RNF150: variants seen among roughly 807,000 people sequenced by gnomAD.
RNF150 encodes the protein ring finger protein 150.
In RNF150, 24 loss-of-function variants were observed where a neutral mutation model predicts 39.3. The ratio of observed to expected loss-of-function variants is 0.61; its 90% CI spans 0.44 to 0.86. RNF150 has a LOEUF of 0.86. RNF150 is among the 40% of genes least tolerant of loss of function. RNF150 has a pLI of 0.00. For missense variants in RNF150, 502 were observed against 587.8 expected (o/e 0.85, Z 1.51); for synonymous variants, 255 against 227.3 (o/e 1.12, Z -1.10).
intron 2 of RNF150, among the ~76,000 whole-genome samples, chr4:140,964,946 T>C (rs190542705): frequency 6.6e-5 from 10 of 151,752 alleles, no homozygotes; most frequent in Non-Finnish European, 1.2e-4. Context: ...GGATACTGCA[T>C]ATGAGGGGGG....
intron 1 of RNF150, among the ~76,000 whole-genome samples, chr4:140,984,359 T>C (rs913962840): frequency 6.6e-6 from 1 of 152,060 alleles, no homozygotes; most frequent in African/African-American, 2.4e-5. Context: ...TATGAAAAGG[T>C]TTTTAGACTA....
intron 2 of RNF150, among the ~76,000 whole-genome samples, chr4:140,963,003 A>T (rs1464931225): frequency 1.3e-5 from 2 of 151,994 alleles, no homozygotes; most frequent in African/African-American, 4.8e-5. Context: ...CATATAATGA[A>T]AATTTACTCA....
intron 4 of RNF150, among the ~76,000 whole-genome samples, chr4:140,942,314 G>T (rs961327327): frequency 6.6e-6 from 1 of 152,212 alleles, no homozygotes; most frequent in African/African-American, 2.4e-5. Context: ...GGCCTGCAGA[G>T]CCAGTGATGG....
intron 1 of RNF150, among the ~76,000 whole-genome samples, chr4:141,149,196 A>G (rs1362114645): frequency 2.0e-5 from 3 of 152,226 alleles, no homozygotes; most frequent in Non-Finnish European, 2.9e-5. Flanking sequence ...GTAACCTACA[A>G]CCATGCAATA....
intron 1 of RNF150, among the ~76,000 whole-genome samples, chr4:141,073,359 G>A (rs1201743725): frequency 6.6e-6 from 1 of 152,108 alleles, no homozygotes; most frequent in Non-Finnish European, 1.5e-5. Flanking sequence ...CCAAAACAAA[G>A]GTTTCAGCAC....
chr4:141,198,905 C>T (rs1319889873), intron 1 of RNF150, among the ~76,000 whole-genome samples: 2 of 152,150 alleles, frequency 1.3e-5, no homozygotes, highest in Non-Finnish European at 2.9e-5. Context: ...AAAGTTAAAA[C>T]CTTTTTCTCT....
chr4:141,000,087 G>GAAGAAGGAGA (rs1553935774), intron 1 of RNF150, among the ~76,000 whole-genome samples: 1 of 35,934 alleles, frequency 2.8e-5, no homozygotes, highest in Non-Finnish European at 5.3e-5. Flanking sequence ...GAAGAAGAAG[G>GAAGAAGGAGA]AGAAGAAGAA....
chr4:141,211,486 G>T (rs1001707576), intron 1 of RNF150, among the ~76,000 whole-genome samples: 1 of 152,070 alleles, frequency 6.6e-6, no homozygotes, highest in Non-Finnish European at 1.5e-5. Context: ...GTTAGAAAAT[G>T]ATCTGATTCA....
rs146714448 is a variant in RNF150 at position 140,949,390 on chromosome 4, G to C, written c.736-18C>G. ...AGTCGGCGCTGAAAAGCCAAAACGT[G>C]CTTGTTAATAATAAAGATCTGTAAT... is the stretch of plus-strand genomic sequence containing the variant. On this transcript the variant is annotated intron_variant, in intron 2 of 6. Transcript: ENST00000515673. The C allele has an allele frequency of 3.7e-6, 6 of 1,607,622 alleles. No individual in the cohort carries two copies. The highest frequency in any genetic ancestry group is 4.5e-5 in the East Asian group (2 of 44,814).
intron 1 of RNF150, among the ~76,000 whole-genome samples, chr4:141,052,971 C>T (rs938259984): frequency 6.6e-6 from 1 of 152,092 alleles, no homozygotes; most frequent in African/African-American, 2.4e-5. Flanking sequence ...ATGTACATGG[C>T]TTGCTTAGCC....
intron 1 of RNF150, among the ~76,000 whole-genome samples, chr4:141,080,832 A>G (rs990955916): frequency 2.0e-5 from 3 of 152,198 alleles, no homozygotes; most frequent in African/African-American, 4.8e-5. Flanking sequence ...CAGTAGAGGC[A>G]AAGGTACAGT....
chr4:141,193,429 C>T (rs377006116), intron 1 of RNF150, among the ~76,000 whole-genome samples: 2 of 152,218 alleles, frequency 1.3e-5, no homozygotes, highest in East Asian at 1.9e-4. Flanking sequence ...TCTGAAACAT[C>T]TCTTGGGTTT....
chr4:140,916,138 C>T (rs1257079793), intron 5 of RNF150, among the ~76,000 whole-genome samples: 3 of 152,136 alleles, frequency 2.0e-5, no homozygotes, highest in Non-Finnish European at 4.4e-5. Flanking sequence ...ATCAGAGCAC[C>T]TCTCCTCCTC....
Position 140,868,301 on chromosome 4 carries a change from T to A in RNF150, c.1277A>T (p.Glu426Val). The A allele has an allele frequency of 6.2e-7, 1 of 1,611,734 alleles. No homozygotes were observed. The highest frequency in any genetic ancestry group is 8.5e-7 in the Non-Finnish European group (1 of 1,177,830). ...MAMEVGLSDV[E>V]LSTDQDCEEV... ...TTCACAGTCCTGGTCAGTGGAAAGT[T>A]CTACATCAGACAGTCCAACCTCCAT... Residue 426 changes from glutamate (E) to valine (V), a missense_variant, in exon 7 of 7, where the codon GAA becomes GTA. Glu to Val is a moderately radical substitution (Grantham distance 121). Coordinates refer to ENST00000515673, the MANE Select transcript of RNF150 (RefSeq NM_020724.2).
chr4:141,173,962 G>A (rs998682329), intron 1 of RNF150, among the ~76,000 whole-genome samples: 2 of 152,158 alleles, frequency 1.3e-5, no homozygotes, highest in Non-Finnish European at 2.9e-5. Flanking sequence ...TATAAATACA[G>A]TTTATGTGGA....
intron 5 of RNF150, among the ~76,000 whole-genome samples, chr4:140,917,562 G>T (rs1730889521): frequency 6.6e-6 from 1 of 152,164 alleles, no homozygotes. Context: ...GACCTACAAA[G>T]AGACTTAGAC....
intron 1 of RNF150, among the ~76,000 whole-genome samples, chr4:141,166,273 A>G (rs1211954477): frequency 6.6e-6 from 1 of 152,190 alleles, no homozygotes; most frequent in Non-Finnish European, 1.5e-5. Context: ...CCCTGAATAG[A>G]CCAATAACAA....
rs371124714 is a variant in RNF150 at position 140,949,247 on chromosome 4, G to A, written c.807+54C>T. 3.9e-5 allele frequency: 56 copies of A among 1,423,374 alleles called. No individual in the cohort carries two copies. The East Asian group carries it at 5.9e-4, about 15-fold the overall frequency. 88.2% of individuals were successfully genotyped at this position (1,423,374 alleles called of 1,614,324 possible). On this transcript the variant is annotated intron_variant, in intron 3 of 6. Transcript: ENST00000515673. ...CTCTTCCACCCTGGCTATAAGAAAA[G>A]TTAGAAGCTTCTTTGAATAGCTCCT...
At chr4:140,967,905 A>T (rs1733313507) in intron 1 of RNF150, 32 bp from the exon 2 acceptor site, 1 of 1,603,402 alleles carries the variant, frequency 6.2e-7, no homozygotes, top group Non-Finnish European at 8.5e-7. Context: ...GGGGCAATAA[A>T]GGTTAGGGGA....
Sources: gnomAD v4.1 joint callset for allele counts (sites outside exome capture counted in the v4.1 genomes callset) on GRCh38, gnomAD v4.1.1 for gene constraint, MANE v1.5 for transcripts, NCBI Gene and HGNC (gene_info 2026-07-23, HGNC 2026-07-21) for gene names.